The following PAH variants were observed in gnomAD, a reference collection of about 807,000 sequenced individuals.
PAH encodes the protein phenylalanine hydroxylase.
A neutral mutation model predicts 62.0 loss-of-function variants in PAH; 64 were observed. That is an observed-to-expected ratio of 1.03 (90% CI 0.84 to 1.27). The LOEUF is 1.27. PAH is among the 50% of genes most tolerant of loss of function. The probability of loss-of-function intolerance (pLI) is 0.00; values close to 1 mark genes in which losing one functional copy is unlikely to be tolerated. For missense variants in PAH, 579 were observed against 542.8 expected, an observed-to-expected ratio of 1.07 and a Z score of -0.66; for synonymous variants, 195 against 196.2, an observed-to-expected ratio of 0.99 and a Z score of 0.05.
At chr12:102,881,410 C>G (rs1378274515) in intron 3 of PAH, among the ~76,000 whole-genome samples, 1 of 152,046 alleles carries the variant, frequency 6.6e-6, no homozygotes, top group Non-Finnish European at 1.5e-5. Context: ...TTACCATGAT[C>G]AAGTTAATGA....
intron 1 of PAH, among the ~76,000 whole-genome samples, chr12:102,937,041 C>G (rs1437553938): frequency 6.6e-6 from 1 of 152,116 alleles, no homozygotes; most frequent in Non-Finnish European, 1.5e-5. Flanking sequence ...GGGCTTTTCC[C>G]CCTCTTGCTT....
At chr12:102,886,551 T>A (rs1453259512) in intron 3 of PAH, among the ~76,000 whole-genome samples, 1 of 152,160 alleles carries the variant, frequency 6.6e-6, no homozygotes, top group Non-Finnish European at 1.5e-5. Context: ...TGAGATCTGG[T>A]TACCTGTCAC....
chr12:102,852,850 GA>G lies in PAH; in HGVS notation c.806del (p.Ile269ThrfsTer72), dbSNP rs62508687. 1.9e-5 allele frequency: 31 copies of G among 1,613,996 alleles called. No individual in the cohort carries two copies. The highest frequency in any genetic ancestry group is 2.6e-5 in the Non-Finnish European group (31 of 1,180,016). On this transcript the variant is annotated frameshift_variant, in exon 7 of 13. Transcript: ENST00000553106. LOFTEE classifies it high-confidence loss of function. Reference protein sequence around the residue: ...AFRVFHCTQYIRHGSKPMYTP... With the variant: ...AFRVFHCTQYXRHGSKPMYTP... ...TATACATGGGCTTGGATCCATGTCT[GA>G]TGTACTGTGTGCAGTGGAAGACTCG...
chr12:102,947,750 T>G (rs1879560671), intron 1 of PAH, among the ~76,000 whole-genome samples: 3 of 152,030 alleles, frequency 2.0e-5, no homozygotes, highest in Non-Finnish European at 4.4e-5. Flanking sequence ...TAGTCTGGGT[T>G]CTCCAGAAAA....
chr12:102,907,603 T>C lies in PAH; in HGVS notation c.168+5188A>G, dbSNP rs1470677453. Among the ~76,000 whole-genome samples, 5 of 152,072 alleles carry C rather than the reference T, an allele frequency of 3.3e-5. No individual in the cohort carries two copies. In the East Asian group the frequency reaches 9.7e-4, roughly 29 times the overall value. ...TAACGTAGCATCTTTTTCCTTCTTT[T>C]CTTTTCTTTTTTTTTTTGTGGGGAG... On this transcript the variant is annotated intron_variant, in intron 2 of 12. Transcript: ENST00000553106.
intron 3 of PAH, among the ~76,000 whole-genome samples, chr12:102,880,916 A>G (rs1162377687): frequency 4.0e-5 from 6 of 151,392 alleles, no homozygotes; most frequent in African/African-American, 1.5e-4. Context: ...TAAAAAATGC[A>G]TATATATTTA....
chr12:102,919,020 G>A (rs1498690), upstream of PAH, among the ~76,000 whole-genome samples: 5,950 of 152,180 alleles, frequency 0.039, 291 homozygotes, highest in African/African-American at 0.11. Flanking sequence ...CTCTGTCTTA[G>A]ACACTGTGCC....
intron 1 of PAH, among the ~76,000 whole-genome samples, chr12:102,937,134 G>T (rs1173503641): frequency 1.3e-5 from 2 of 152,166 alleles, no homozygotes; most frequent in Non-Finnish European, 2.9e-5. Context: ...GGCCTCCCCA[G>T]CCCTGCAGAA....
chr12:102,858,321 T>C (rs1875540787), intron 5 of PAH, among the ~76,000 whole-genome samples: 1 of 152,174 alleles, frequency 6.6e-6, no homozygotes, highest in Non-Finnish European at 1.5e-5. Context: ...CCCAGATTCA[T>C]AAAGCAAGTC....
At chr12:102,909,137 A>G (rs1381897308) in intron 2 of PAH, among the ~76,000 whole-genome samples, 1 of 152,088 alleles carries the variant, frequency 6.6e-6, no homozygotes, top group Non-Finnish European at 1.5e-5. Flanking sequence ...CCTAGTCTTC[A>G]TGCCTCTTTA....
At chr12:102,902,099 TA>T (rs1178740454) in intron 2 of PAH, among the ~76,000 whole-genome samples, 1 of 151,990 alleles carries the variant, frequency 6.6e-6, no homozygotes. Flanking sequence ...CACGAAGTCA[TA>T]AAAAAATAAA....
intron 3 of PAH, among the ~76,000 whole-genome samples, chr12:102,882,338 C>T (rs1365500024): frequency 6.6e-6 from 1 of 152,120 alleles, no homozygotes; most frequent in East Asian, 1.9e-4. Context: ...AACAGCCAGA[C>T]AGCCCAGGTT....
intron 3 of PAH, among the ~76,000 whole-genome samples, chr12:102,884,058 A>G (rs1371688663): frequency 6.6e-6 from 1 of 152,230 alleles, no homozygotes; most frequent in Non-Finnish European, 1.5e-5. Flanking sequence ...AAAGGGTGAG[A>G]AGCTCTGGTG....
At chr12:102,942,687 A>G (rs1043990101) in intron 1 of PAH, among the ~76,000 whole-genome samples, 5 of 152,188 alleles carry the variant, frequency 3.3e-5, no homozygotes, top group African/African-American at 1.2e-4. Context: ...TAAAGTAACC[A>G]AAACAGCATG....
At chr12:102,880,315 A>T (rs1876763422) in intron 3 of PAH, among the ~76,000 whole-genome samples, 1 of 152,198 alleles carries the variant, frequency 6.6e-6, no homozygotes, top group Non-Finnish European at 1.5e-5. Flanking sequence ...GGCTTGAGAA[A>T]GGAATCAGCA....
intron 4 of PAH, among the ~76,000 whole-genome samples, chr12:102,870,333 T>A (rs1016884147): frequency 6.6e-6 from 1 of 152,180 alleles, no homozygotes; most frequent in Non-Finnish European, 1.5e-5. Flanking sequence ...ACTAATTCAT[T>A]TATTCACAAG....
At chr12:102,866,292 C>A (rs1173362493) in intron 5 of PAH, among the ~76,000 whole-genome samples, 3 of 152,112 alleles carry the variant, frequency 2.0e-5, no homozygotes, top group African/African-American at 7.2e-5. Flanking sequence ...AGGACCGAGG[C>A]CTTTTCTAAT....
chr12:102,912,758 A>C (rs1191268950), intron 2 of PAH, 33 bp downstream of exon 2: 1 of 1,402,402 alleles, frequency 7.1e-7, no homozygotes, highest in South Asian at 1.2e-5. Context: ...TTGCTACGAC[A>C]TTATCCAAGA....
chr12:102,849,973 A>T (rs1323483337), intron 8 of PAH, among the ~76,000 whole-genome samples: 2 of 152,232 alleles, frequency 1.3e-5, no homozygotes, highest in Non-Finnish European at 2.9e-5. Flanking sequence ...TGACTTGAGC[A>T]ACTGTCCACT....
Sources: allele counts gnomAD v4.1 joint callset (sites outside exome capture counted in the v4.1 genomes callset), GRCh38; gene constraint gnomAD v4.1.1; transcripts MANE v1.5; gene names NCBI Gene and HGNC (gene_info 2026-07-23, HGNC 2026-07-21).